The following ZNF521 variants were observed in gnomAD, a reference collection of about 807,000 sequenced individuals.
ZNF521 encodes the protein zinc finger protein 521.
ZNF521 carries 14 observed loss-of-function variants against 105.5 expected under a neutral mutation model. That is an observed-to-expected ratio of 0.13 (90% CI 0.09 to 0.21). ZNF521 has a LOEUF of 0.21. Among genes scored for constraint, ZNF521 ranks in the 10% least tolerant of loss-of-function variants. The pLI is 1.00. For synonymous variants in ZNF521, 635 were observed against 606.0 expected (o/e 1.05, Z -0.70); for missense variants, 1,233 against 1,629.7 (o/e 0.76, Z 4.19).
In ZNF521 at chr18:25,324,233, C is replaced by T. The variant is rs1432708097; in HGVS notation, c.41-2046G>A. Among the ~76,000 whole-genome samples the T allele has an allele frequency of 2.6e-5, 4 of 152,072 alleles. No individual in the cohort carries two copies. The East Asian group carries it at 7.7e-4, about 29-fold the overall frequency. ...AAACGGAAGGAGAAAAAAATAGAGA[C>T]TACCTTTAAAAGTCCTTTACCAGTA... On this transcript the variant is annotated intron_variant, in intron 2 of 7. Transcript: ENST00000361524.
At chr18:25,260,895 G>A (rs776091007) in intron 3 of ZNF521, among the ~76,000 whole-genome samples, 5 of 152,144 alleles carry the variant, frequency 3.3e-5, no homozygotes, top group East Asian at 1.9e-4. Flanking sequence ...CAACTAAAAT[G>A]TAACTGTTAC....
At chr18:25,280,911 A>C (rs1478160648) in intron 3 of ZNF521, among the ~76,000 whole-genome samples, 2 of 152,160 alleles carry the variant, frequency 1.3e-5, no homozygotes, top group Non-Finnish European at 2.9e-5. Context: ...GGCTCATGAC[A>C]AAGGCTTCTA....
chr18:25,121,111 ATT>A (rs5823467), intron 5 of ZNF521, among the ~76,000 whole-genome samples: 1 of 118,662 alleles, frequency 8.4e-6, no homozygotes, highest in African/African-American at 3.2e-5. Context: ...AAGAAGGAGT[ATT>A]TTTTTTTTTT....
At chr18:25,319,462 G>A (rs1912816743) in intron 3 of ZNF521, among the ~76,000 whole-genome samples, 1 of 152,010 alleles carries the variant, frequency 6.6e-6, no homozygotes, top group South Asian at 2.1e-4. Context: ...TGGGCATGGT[G>A]GTATGCACCT....
intron 3 of ZNF521, among the ~76,000 whole-genome samples, chr18:25,292,651 A>G (rs1600266979): frequency 1.3e-5 from 2 of 152,208 alleles, no homozygotes; most frequent in African/African-American, 4.8e-5. Context: ...GCAAAACGTT[A>G]TCAGGGAAAC....
intron 5 of ZNF521, among the ~76,000 whole-genome samples, chr18:25,139,054 C>G (rs2034792622): frequency 6.6e-6 from 1 of 152,152 alleles, no homozygotes; most frequent in East Asian, 1.9e-4. Context: ...AGTAAGCGTT[C>G]CATGTGCCTC....
chr18:25,348,789 A>G (rs1037472610), intron 2 of ZNF521, among the ~76,000 whole-genome samples: 4 of 152,184 alleles, frequency 2.6e-5, no homozygotes, highest in Non-Finnish European at 5.9e-5. Context: ...TTCACTTGCC[A>G]TTTTTTGCTT....
chr18:25,192,371 C>T (rs2035833033), intron 5 of ZNF521, among the ~76,000 whole-genome samples: 1 of 152,070 alleles, frequency 6.6e-6, no homozygotes, highest in Non-Finnish European at 1.5e-5. Flanking sequence ...TGTCCCTGGC[C>T]AACAGCCTGA....
intron 3 of ZNF521, among the ~76,000 whole-genome samples, chr18:25,313,361 T>C (rs771075054): frequency 4.7e-5 from 7 of 150,220 alleles, no homozygotes; most frequent in South Asian, 2.1e-4. Context: ...AGGATACTGA[T>C]AGTCAAGCAC....
intron 4 of ZNF521, among the ~76,000 whole-genome samples, chr18:25,213,479 C>T (rs1289335006): frequency 6.6e-6 from 1 of 151,854 alleles, no homozygotes. Context: ...ACCCACCTTG[C>T]ATTCTTGTGA....
chr18:25,334,473 C>T (rs1404120491), intron 2 of ZNF521, among the ~76,000 whole-genome samples: 1 of 152,142 alleles, frequency 6.6e-6, no homozygotes, highest in Non-Finnish European at 1.5e-5. Context: ...TCAGTTTTCT[C>T]ACCTATAAAA....
intron 3 of ZNF521, among the ~76,000 whole-genome samples, chr18:25,314,633 T>C (rs1484754269): frequency 6.6e-6 from 1 of 152,202 alleles, no homozygotes; most frequent in Non-Finnish European, 1.5e-5. Flanking sequence ...CTACAAATGT[T>C]CCCCAAAGCT....
At chr18:25,269,629 A>G (rs1909508787) in intron 3 of ZNF521, among the ~76,000 whole-genome samples, 1 of 152,348 alleles carries the variant, frequency 6.6e-6, no homozygotes, top group African/African-American at 2.4e-5. Context: ...ACTCAGAATT[A>G]AGAAACTCAC....
chr18:25,077,127 T>A (rs1392833768), intron 7 of ZNF521, among the ~76,000 whole-genome samples: 1 of 152,188 alleles, frequency 6.6e-6, no homozygotes, highest in African/African-American at 2.4e-5. Flanking sequence ...CAAAATCCTT[T>A]CATCTCTTAT....
intron 5 of ZNF521, among the ~76,000 whole-genome samples, chr18:25,161,817 G>A (rs1260117007): frequency 6.6e-6 from 1 of 152,110 alleles, no homozygotes; most frequent in South Asian, 2.1e-4. Context: ...CAGACTAACA[G>A]GGCACTGCAA....
chr18:25,186,510 C>T (rs1427204486), intron 5 of ZNF521, among the ~76,000 whole-genome samples: 1 of 152,130 alleles, frequency 6.6e-6, no homozygotes, highest in African/African-American at 2.4e-5. Flanking sequence ...TGAATTAATT[C>T]TTTACAGCAT....
At chr18:25,335,847 A>G (rs28630504) in intron 2 of ZNF521, among the ~76,000 whole-genome samples, 1,615 of 152,342 alleles carry the variant, frequency 0.011, 33 homozygotes, top group African/African-American at 0.034. Flanking sequence ...TGCCAAGGTC[A>G]ACCAGCGAGC....
chr18:25,295,607 CAAAAAAGTAAAAAAA>C (rs1911280957), intron 3 of ZNF521, among the ~76,000 whole-genome samples: 2 of 122,236 alleles, frequency 1.6e-5, no homozygotes, highest in Non-Finnish European at 3.6e-5. Context: ...ACTATGTACC[CAAAAAAGTAAAAAAA>C]AAAAAAGTAA....
chr18:25,272,856 C>A (rs957489742), intron 3 of ZNF521, among the ~76,000 whole-genome samples: 2 of 151,874 alleles, frequency 1.3e-5, no homozygotes, highest in Non-Finnish European at 2.9e-5. Flanking sequence ...CACATGTATA[C>A]CTATGTAACA....
Sources: allele counts gnomAD v4.1 joint callset (sites outside exome capture counted in the v4.1 genomes callset), GRCh38; gene constraint gnomAD v4.1.1; transcripts MANE v1.5; gene names NCBI Gene and HGNC (gene_info 2026-07-23, HGNC 2026-07-21).